RASGEF1C: variants seen among roughly 807,000 people sequenced by gnomAD.
The protein encoded by RASGEF1C is ras-GEF domain-containing family member 1C.
RASGEF1C carries 27 observed loss-of-function variants against 58.1 expected under a neutral mutation model. That is an observed-to-expected ratio of 0.46 (90% CI 0.34 to 0.64). RASGEF1C has a LOEUF of 0.64. Ranked by LOEUF, RASGEF1C falls within the 30% of genes least tolerant of loss-of-function variation. The probability of loss-of-function intolerance (pLI) is 0.01; values close to 1 mark genes in which losing one functional copy is unlikely to be tolerated. For synonymous variants in RASGEF1C, 243 were observed against 246.3 expected, an observed-to-expected ratio of 0.99 and a Z score of 0.13; for missense variants, 502 against 605.1, an observed-to-expected ratio of 0.83 and a Z score of 1.79.
At chr5:180,134,928 C>A (rs919754315) in intron 4 of RASGEF1C, among the ~76,000 whole-genome samples, 1 of 23,286 alleles carries the variant, frequency 4.3e-5, no homozygotes, top group Non-Finnish European at 8.5e-5. Context: ...TTACCCCATG[C>A]ATCCACCTGC....
At chr5:180,133,348 G>A (rs1766402388) in intron 4 of RASGEF1C, among the ~76,000 whole-genome samples, 1 of 152,170 alleles carries the variant, frequency 6.6e-6, no homozygotes, top group Non-Finnish European at 1.5e-5. Flanking sequence ...GTGGGCGGGG[G>A]AAAGAGGAAG....
At chr5:180,196,327 C>G (rs985172296) in intron 1 of RASGEF1C, among the ~76,000 whole-genome samples, 1 of 151,926 alleles carries the variant, frequency 6.6e-6, no homozygotes, top group Non-Finnish European at 1.5e-5. Flanking sequence ...TGGTGAAACC[C>G]CATCTCTACC....
intron 1 of RASGEF1C, among the ~76,000 whole-genome samples, chr5:180,144,522 C>G (rs893890843): frequency 1.3e-5 from 2 of 152,016 alleles, no homozygotes; most frequent in Non-Finnish European, 2.9e-5. Context: ...ACCTGTAGTC[C>G]GAGCTACTTG....
intron 1 of RASGEF1C, among the ~76,000 whole-genome samples, chr5:180,187,292 T>C: frequency 6.6e-6 from 1 of 152,180 alleles, no homozygotes; most frequent in East Asian, 1.9e-4. Flanking sequence ...GACCTATATA[T>C]ACGAGCTAAA....
chr5:180,192,363 G>A (rs938858388), intron 1 of RASGEF1C, among the ~76,000 whole-genome samples: 5 of 152,136 alleles, frequency 3.3e-5, no homozygotes, highest in Non-Finnish European at 5.9e-5. Flanking sequence ...GCGGAGGGAC[G>A]GATGAGCTCA....
chr5:180,152,484 G>C (rs539140736), intron 1 of RASGEF1C, among the ~76,000 whole-genome samples: 2 of 146,890 alleles, frequency 1.4e-5, no homozygotes, highest in East Asian at 2.0e-4. Flanking sequence ...AACACTGCAT[G>C]TTCTCACTCA....
At chr5:180,201,794 G>C (rs1263104039) in intron 1 of RASGEF1C, among the ~76,000 whole-genome samples, 1 of 152,226 alleles carries the variant, frequency 6.6e-6, no homozygotes, top group Non-Finnish European at 1.5e-5. Context: ...AGTGCCCTTA[G>C]AAAAGAGGAT....
chr5:180,175,144 T>G (rs1767202071), intron 1 of RASGEF1C, among the ~76,000 whole-genome samples: 1 of 152,062 alleles, frequency 6.6e-6, no homozygotes. Context: ...GCAGATGGTG[T>G]GAGAACCCAA....
chr5:180,182,059 G>T (rs1035583112), intron 1 of RASGEF1C, among the ~76,000 whole-genome samples: 15 of 151,868 alleles, frequency 9.9e-5, no homozygotes, highest in South Asian at 8.3e-4. Flanking sequence ...AAAAAAATTA[G>T]CCGGGCATGG....
chr5:180,150,468 G>A (rs1462475999), intron 1 of RASGEF1C, among the ~76,000 whole-genome samples: 2 of 151,854 alleles, frequency 1.3e-5, no homozygotes, highest in South Asian at 2.1e-4. Context: ...GTAGAAAACT[G>A]GACATTTGAC....
intron 1 of RASGEF1C, among the ~76,000 whole-genome samples, chr5:180,164,954 T>C (rs1181414582): frequency 1.3e-5 from 2 of 152,238 alleles, no homozygotes; most frequent in Non-Finnish European, 2.9e-5. Context: ...TGTTGTTAGG[T>C]GCACATACAT....
rs1191117548 is a variant in RASGEF1C at position 180,197,527 on chromosome 5, G to C, written c.-7+11501C>G. Among the ~76,000 whole-genome samples, 1 of 152,178 alleles carries C rather than the reference G, an allele frequency of 6.6e-6. No individual in the cohort carries two copies. The highest frequency in any genetic ancestry group is 1.5e-5 in the Non-Finnish European group (1 of 68,032). ...AGAGGCCCACAAAGACAGAGAGTGA[G>C]AGCAGTCCACGCTCAAAAATAGCCC... On this transcript the variant is annotated intron_variant, in intron 1 of 13. Transcript: ENST00000361132. The surrounding 1 kb of genome is among the most constrained non-coding windows in gnomAD (Gnocchi z 4.7).
intron 1 of RASGEF1C, among the ~76,000 whole-genome samples, chr5:180,139,187 C>T (rs1263840278): frequency 6.6e-6 from 1 of 152,196 alleles, no homozygotes; most frequent in Non-Finnish European, 1.5e-5. Context: ...GAAGCTCTTC[C>T]ACTTACCCCT....
intron 1 of RASGEF1C, among the ~76,000 whole-genome samples, chr5:180,159,211 C>T (rs1446923562): frequency 6.6e-6 from 1 of 151,536 alleles, no homozygotes; most frequent in African/African-American, 2.4e-5. Flanking sequence ...GCGATCTCGG[C>T]TCACTGCAAC....
In RASGEF1C at chr5:180,177,356, G is replaced by A. The variant is rs538893849; in HGVS notation, c.-7+31672C>T. Reference sequence around the variant, plus strand: ...TCCCCAAAGACACAGGCTGTTCATCGGCTCCATTTTTAACCTTCCTTAGTC... The same window carrying A: ...TCCCCAAAGACACAGGCTGTTCATCAGCTCCATTTTTAACCTTCCTTAGTC... On this transcript the variant is annotated intron_variant, in intron 1 of 13. Coordinates refer to ENST00000361132, the MANE Select transcript of RASGEF1C (RefSeq NM_175062.4). This position sits in a 1 kb window ranked among gnomAD's most constrained non-coding sequence, Gnocchi z 5.0. Among the ~76,000 whole-genome samples, 1 of 152,296 alleles carries A rather than the reference G, an allele frequency of 6.6e-6. No homozygotes were observed. The highest frequency in any genetic ancestry group is 6.5e-5 in the Admixed American group (1 of 15,300).
chr5:180,175,566 C>T (rs908526909), intron 1 of RASGEF1C, among the ~76,000 whole-genome samples: 5 of 152,250 alleles, frequency 3.3e-5, no homozygotes, highest in African/African-American at 1.2e-4. Context: ...GGGCCACACT[C>T]GGGACATTTC....
chr5:180,190,451 C>T (rs10040706), intron 1 of RASGEF1C, among the ~76,000 whole-genome samples: 40,205 of 136,390 alleles, frequency 0.29, 7,284 homozygotes, highest in African/African-American at 0.34. Flanking sequence ...GATCGCGCCA[C>T]TGCACTCCAG....
At chr5:180,161,619 C>G (rs1418058189) in intron 1 of RASGEF1C, among the ~76,000 whole-genome samples, 2 of 152,218 alleles carry the variant, frequency 1.3e-5, no homozygotes, top group African/African-American at 4.8e-5. Context: ...CGCTGCAGGA[C>G]GCCAGGCCGA....
intron 6 of RASGEF1C, among the ~76,000 whole-genome samples, chr5:180,125,472 A>G (rs80182761): frequency 0.04 from 6,045 of 152,296 alleles, 403 homozygotes; most frequent in African/African-American, 0.14. Context: ...ATTGTACCAG[A>G]GGTGCAAGTT....
Sources: gnomAD v4.1 joint callset for allele counts (sites outside exome capture counted in the v4.1 genomes callset) on GRCh38, gnomAD v4.1.1 for gene constraint, Gnocchi (gnomAD v3.1) non-coding constraint, MANE v1.5 for transcripts, NCBI Gene and HGNC (gene_info 2026-07-23, HGNC 2026-07-21) for gene names.